The following R3HCC1L variants were observed in gnomAD, a reference collection of about 807,000 sequenced individuals.
The protein encoded by R3HCC1L is R3H domain and coiled-coil containing 1 like.
Under a neutral mutation model 59.9 loss-of-function variants are expected in R3HCC1L, and 51 were observed. The ratio of observed to expected loss-of-function variants is 0.85; its 90% CI spans 0.68 to 1.07. R3HCC1L has a LOEUF of 1.07. R3HCC1L is among the 50% of genes least tolerant of loss of function. The pLI is 0.00. For synonymous variants in R3HCC1L, 322 were observed against 315.2 expected (o/e 1.02, Z -0.23); for missense variants, 965 against 933.0 (o/e 1.03, Z -0.45).
chr10:98,196,981 A>ACTCTG, intron 4 of R3HCC1L, among the ~76,000 whole-genome samples: 2 of 152,014 alleles, frequency 1.3e-5, no homozygotes, highest in Non-Finnish European at 2.9e-5. Flanking sequence ...CAGTGGCACA[A>ACTCTG]TCTCAGTTCA....
At chr10:98,236,805 A>G (rs1196408383) in intron 9 of R3HCC1L, among the ~76,000 whole-genome samples, 1 of 152,138 alleles carries the variant, frequency 6.6e-6, no homozygotes, top group Non-Finnish European at 1.5e-5. Context: ...TCTCCTCTAC[A>G]GGCTGTTGAA....
chr10:98,171,471 A>T (rs578011431), intron 4 of R3HCC1L, among the ~76,000 whole-genome samples: 42 of 152,184 alleles, frequency 2.8e-4, no homozygotes, highest in Admixed American at 4.6e-4. Context: ...GAAGTAAACT[A>T]TCATGACATC....
intron 5 of R3HCC1L, among the ~76,000 whole-genome samples, chr10:98,227,221 A>G (rs144110794): frequency 1.3e-5 from 2 of 152,324 alleles, no homozygotes; most frequent in East Asian, 3.9e-4. Context: ...GCACTTATCT[A>G]TGAAGTATAG....
At chr10:98,194,332 A>G (rs1389231037) in intron 4 of R3HCC1L, among the ~76,000 whole-genome samples, 1 of 152,194 alleles carries the variant, frequency 6.6e-6, no homozygotes, top group Non-Finnish European at 1.5e-5. Flanking sequence ...TGGATTAAAT[A>G]TAAGAACTGA....
intron 4 of R3HCC1L, among the ~76,000 whole-genome samples, chr10:98,164,956 C>T (rs1305311540): frequency 6.6e-6 from 1 of 152,176 alleles, no homozygotes; most frequent in Non-Finnish European, 1.5e-5. Flanking sequence ...GTTATTGATT[C>T]TGTCATCAAA....
At chr10:98,219,769 TGTATATCC>T (rs1400763664) in intron 5 of R3HCC1L, among the ~76,000 whole-genome samples, 1 of 152,224 alleles carries the variant, frequency 6.6e-6, no homozygotes, top group African/African-American at 2.4e-5. Flanking sequence ...GAATCCCTTC[TGTATATCC>T]CTTCTATGTA....
At chr10:98,220,227 TCTAA>T (rs1366825363) in intron 5 of R3HCC1L, among the ~76,000 whole-genome samples, 1 of 152,104 alleles carries the variant, frequency 6.6e-6, no homozygotes, top group African/African-American at 2.4e-5. Context: ...CTTTATAAAC[TCTAA>T]CTCTTTGTTG....
intron 1 of R3HCC1L, among the ~76,000 whole-genome samples, chr10:98,136,263 A>C (rs1844575975): frequency 6.6e-6 from 1 of 152,156 alleles, no homozygotes; most frequent in African/African-American, 2.4e-5. Flanking sequence ...AATGGTCCAA[A>C]AAACAAGAGA....
intron 2 of R3HCC1L, 27 bp downstream of exon 2, chr10:98,156,174 T>C (rs752070277): frequency 1.3e-5 from 2 of 152,172 alleles, no homozygotes; most frequent in African/African-American, 2.4e-5. Context: ...TTGTTATCCT[T>C]AGATTTTTCT....
At chr10:98,176,406 T>C (rs1849019246) in intron 4 of R3HCC1L, among the ~76,000 whole-genome samples, 1 of 152,220 alleles carries the variant, frequency 6.6e-6, no homozygotes. Context: ...CTTTCGATTT[T>C]TGATGTCTTA....
intron 9 of R3HCC1L, among the ~76,000 whole-genome samples, chr10:98,243,433 G>A (rs1857755928): frequency 6.6e-6 from 1 of 152,192 alleles, no homozygotes; most frequent in Non-Finnish European, 1.5e-5. Context: ...TGGTGAAAGT[G>A]TTATGGAGAA....
chr10:98,150,644 A>G (rs1238280270), intron 1 of R3HCC1L, among the ~76,000 whole-genome samples: 1 of 152,064 alleles, frequency 6.6e-6, no homozygotes, highest in Non-Finnish European at 1.5e-5. Context: ...GGCATCCCAC[A>G]GGAGATATTC....
chr10:98,183,736 A>C (rs1849897349), intron 4 of R3HCC1L, among the ~76,000 whole-genome samples: 1 of 152,060 alleles, frequency 6.6e-6, no homozygotes, highest in East Asian at 1.9e-4. Context: ...GGTTGTTGAA[A>C]GCTTTCATCT....
At chr10:98,212,390 A>T (rs1218218776) in intron 5 of R3HCC1L, among the ~76,000 whole-genome samples, 1 of 152,148 alleles carries the variant, frequency 6.6e-6, no homozygotes, top group Non-Finnish European at 1.5e-5. Context: ...TATGTCTAAT[A>T]CTTCTAATAG....
intron 5 of R3HCC1L, among the ~76,000 whole-genome samples, chr10:98,220,386 C>CTTT (rs143442343): frequency 6.2e-5 from 8 of 128,002 alleles, no homozygotes; most frequent in Non-Finnish European, 1.3e-4. Context: ...TTTTTCCCAT[C>CTTT]TTTTTTTTTT....
At chr10:98,149,981 T>C (rs1353122425) in intron 1 of R3HCC1L, among the ~76,000 whole-genome samples, 1 of 152,236 alleles carries the variant, frequency 6.6e-6, no homozygotes, top group African/African-American at 2.4e-5. Context: ...ATTTGCTTTT[T>C]ATACTTGGCA....
Position 98,209,462 on chromosome 10 carries a change from A to T in R3HCC1L, c.1348A>T (p.Ser450Cys), listed in dbSNP as rs148658183. The change falls in exon 5 of 10, where the codon AGT (serine) becomes TGT (cysteine). Residue 450 changes from serine to cysteine, a missense_variant. Coordinates refer to ENST00000298999, the MANE Select transcript of R3HCC1L (RefSeq NM_001351015.2). ...TGCTTGCTCAGATATTTATGGTGAG[A>T]GTATTTCATCTCATTTTACAGAGTC... ...PSACSDIYGE[S>C]ISSHFTESTG... 190 of 1,613,670 alleles carry T rather than the reference A, an allele frequency of 1.2e-4. No homozygotes were observed. The African/African-American group carries it at 2.4e-3, about 20-fold the overall frequency.
At chr10:98,240,134 T>C (rs902229162) in intron 9 of R3HCC1L, among the ~76,000 whole-genome samples, 5 of 152,058 alleles carry the variant, frequency 3.3e-5, no homozygotes, top group African/African-American at 4.8e-5. Flanking sequence ...GGTGAAACCC[T>C]GTCTCTACTA....
In R3HCC1L at chr10:98,208,626, G is replaced by T. The variant is rs759651880; in HGVS notation, c.512G>T (p.Ser171Ile). The T allele has an allele frequency of 6.2e-7, 1 of 1,614,122 alleles. No individual in the cohort carries two copies. Among genetic ancestry groups the T allele is most frequent in the South Asian group, 1.1e-5 (1 of 91,086 alleles). Residue 171 changes from serine (S) to isoleucine (I), a missense_variant, in exon 5 of 10, where the codon AGC becomes ATC. Coordinates refer to ENST00000298999, the MANE Select transcript of R3HCC1L (RefSeq NM_001351015.2). The part of the protein sequence containing the change: ...ILLSQACLEI[S>I]EAQVPSKPFQ... ...CTTTCACAGGCCTGTTTAGAAATCA[G>T]CGAGGCTCAAGTTCCAAGCAAACCA...
Sources: gnomAD v4.1 joint callset for allele counts (sites outside exome capture counted in the v4.1 genomes callset) on GRCh38, gnomAD v4.1.1 for gene constraint, MANE v1.5 for transcripts, NCBI Gene and HGNC (gene_info 2026-07-23, HGNC 2026-07-21) for gene names.